Variants in NCOR2 observed in about 807,000 individuals in gnomAD.
The protein encoded by NCOR2 is nuclear receptor corepressor 2.
Under a neutral mutation model 262.9 loss-of-function variants are expected in NCOR2, and 81 were observed. The observed-to-expected ratio is 0.31, with a 90% confidence interval of 0.26 to 0.37. NCOR2 has a LOEUF of 0.37. Ranked by LOEUF, NCOR2 falls within the 10% of genes least tolerant of loss-of-function variation. The pLI is 1.00. For missense variants in NCOR2, 3,385 were observed against 3,621.4 expected (o/e 0.93, Z 1.68); for synonymous variants, 1,659 against 1,559.3 (o/e 1.06, Z -1.51).
chr12:124,531,527 G>A lies in NCOR2; in HGVS notation c.-118+4038C>T, dbSNP rs566703514. Among the ~76,000 whole-genome samples the A allele has an allele frequency of 1.3e-5, 2 of 152,174 alleles. No individual in the cohort carries two copies. The highest frequency in any genetic ancestry group is 4.8e-5 in the African/African-American group (2 of 41,436). On this transcript the variant is annotated intron_variant, in intron 1 of 46. Coordinates refer to the NCOR2 transcript ENST00000404621. This position sits in a 1 kb window ranked among gnomAD's most constrained non-coding sequence, Gnocchi z 4.5. ...GGAGGGGTAGGGAGCAGGAAGGAAG[G>A]GGGAGGGGAGGAAGGGATTGCAGGG... is the stretch of plus-strand genomic sequence containing the variant.
At chr12:124,335,228 C>A (rs770453213) in exon 40 of NCOR2, 1 of 1,609,982 alleles carries the variant, frequency 6.2e-7, no homozygotes, top group Admixed American at 1.7e-5. Flanking sequence ...GGCTCTCAGG[C>A]AGCGGCCGCA....
chr12:124,336,948 T>C, exon 38 of NCOR2: 1 of 1,542,344 alleles, frequency 6.5e-7, no homozygotes, highest in Non-Finnish European at 8.7e-7. Flanking sequence ...TCCGAGCCCT[T>C]GCTGGGGGAG....
intron 19 of NCOR2, among the ~76,000 whole-genome samples, chr12:124,373,365 ATGAGG>A (rs1566412017): frequency 2.7e-4 from 11 of 40,296 alleles, no homozygotes; most frequent in African/African-American, 5.4e-4. Flanking sequence ...GTGGACAATC[ATGAGG>A]CCAGTGCGTG....
intron 1 of NCOR2, among the ~76,000 whole-genome samples, chr12:124,488,642 G>C (rs542905727): frequency 1.3e-5 from 2 of 152,338 alleles, no homozygotes; most frequent in South Asian, 4.1e-4. Flanking sequence ...AGGGAGTGGA[G>C]GAGGCCACTG....
intron 13 of NCOR2, among the ~76,000 whole-genome samples, chr12:124,416,213 A>G (rs1178247120): frequency 6.6e-6 from 1 of 151,112 alleles, no homozygotes; most frequent in Non-Finnish European, 1.5e-5. Context: ...TTGCACTTCT[A>G]TTTTTCACAG....
In NCOR2 at chr12:124,548,958, C is replaced by A. The variant is rs993557946; in HGVS notation, c.-164-13347G>T. On this transcript the variant is annotated intron_variant, in intron 1 of 32. Transcript: ENST00000458234. This position sits in a 1 kb window ranked among gnomAD's most constrained non-coding sequence, Gnocchi z 5.1. ...CAGCCACTCCTCCCTCTCGTTTCCCCGCTTCCCCTTACCCGACGGTTGGGG... is the reference window on the plus strand; with the variant it reads ...CAGCCACTCCTCCCTCTCGTTTCCCAGCTTCCCCTTACCCGACGGTTGGGG... Among the ~76,000 whole-genome samples the A allele has an allele frequency of 1.1e-4, 17 of 152,184 alleles. No individual in the cohort carries two copies. Among genetic ancestry groups the A allele is most frequent in the African/African-American group, 4.1e-4 (17 of 41,428 alleles).
upstream of NCOR2, among the ~76,000 whole-genome samples, chr12:124,498,519 A>G (rs2136927448): frequency 6.6e-6 from 1 of 152,242 alleles, no homozygotes; most frequent in South Asian, 2.1e-4. Context: ...ACTCACCACG[A>G]GCTTAGGAAA....
intron 11 of NCOR2, 114 bp downstream of exon 13, chr12:124,426,508 G>A (rs938144748): frequency 6.5e-5 from 66 of 1,022,440 alleles, no homozygotes; most frequent in Middle Eastern, 3.1e-4. Flanking sequence ...AAATCCCTGC[G>A]GTTTTAAGCA....
upstream of NCOR2, chr12:124,495,389 A>AAAC: frequency 7.0e-7 from 1 of 1,433,766 alleles, no homozygotes; most frequent in South Asian, 1.5e-5. This position sits in a 1 kb window ranked among gnomAD's most constrained non-coding sequence, Gnocchi z 4.4. Context: ...ACAAGAAAAG[A>AAAC]AAAACAAGAT....
chr12:124,544,724 C>A (rs995828814), intron 1 of NCOR2, among the ~76,000 whole-genome samples: 8 of 152,184 alleles, frequency 5.3e-5, no homozygotes, highest in African/African-American at 1.9e-4. Context: ...TCAGCCGGTG[C>A]CCACACACAG....
At chr12:124,491,903 G>T (rs2048101531) in intron 1 of NCOR2, among the ~76,000 whole-genome samples, 1 of 152,200 alleles carries the variant, frequency 6.6e-6, no homozygotes, top group African/African-American at 2.4e-5. Flanking sequence ...AGGCACAGAG[G>T]GATGCGGCAG....
Position 124,337,192 on chromosome 12 carries a change from G to C in NCOR2, c.5688-12C>G. The C allele has an allele frequency of 6.5e-7, 1 of 1,545,808 alleles. No homozygotes were observed. The highest frequency in any genetic ancestry group is 1.2e-5 in the South Asian group (1 of 83,630). On this transcript the variant is annotated splice_polypyrimidine_tract_variant and intron_variant, in intron 37 of 46. Coordinates refer to ENST00000405201, the Ensembl canonical transcript of NCOR2. Reference sequence around the variant, plus strand: ...AGGTGGAGGTGGACCTGGGGGAGGAGAGAAGGCGGTCAGGCAGTCATGGGA... The same window carrying C: ...AGGTGGAGGTGGACCTGGGGGAGGACAGAAGGCGGTCAGGCAGTCATGGGA...
At chr12:124,476,560 A>G (rs916559108) in intron 3 of NCOR2, among the ~76,000 whole-genome samples, 6 of 152,234 alleles carry the variant, frequency 3.9e-5, no homozygotes, top group African/African-American at 1.4e-4. Flanking sequence ...ACATTAACAA[A>G]AAGAAGATTT....
In NCOR2 at chr12:124,558,010, C is replaced by A. The variant is rs114413420; in HGVS notation, c.-165+9298G>T. ...GCCTGGAGCTGCATCCGGCCCCAAC[C>A]CCACCCGGCAGGCTCTCCTCTTTAG... On this transcript the variant is annotated intron_variant, in intron 1 of 32. Coordinates refer to the NCOR2 transcript ENST00000458234. 6.0e-3 allele frequency among the ~76,000 whole-genome samples: 919 copies of A among 152,266 alleles called. 8 individuals carry two copies. Among genetic ancestry groups the A allele is most frequent in the African/African-American group, 0.021 (876 of 41,572 alleles).
Position 124,454,769 on chromosome 12 carries a change from G to A in NCOR2, c.762+2337C>T, listed in dbSNP as rs1038462599. ...GCAGTTCCTCAAGGGGCTAAACAGG[G>A]TTAACAGAGGATCTAGCAATTCCAC... On this transcript the variant is annotated intron_variant, in intron 6 of 46. Transcript: ENST00000405201. This position sits in a 1 kb window ranked among gnomAD's most constrained non-coding sequence, Gnocchi z 5.6. 6.6e-6 allele frequency among the ~76,000 whole-genome samples: 1 copy of A among 152,164 alleles called. No homozygotes were observed. Among genetic ancestry groups the A allele is most frequent in the Non-Finnish European group, 1.5e-5 (1 of 68,036 alleles).
At position 124,531,886 on chromosome 12, in the gene NCOR2, C is replaced by G. The variant is rs1231931733; in HGVS notation, c.-118+3679G>C. ...AGACAATCCCAGACACCCACCTCCC[C>G]ACCCCACTCCCAGCTGAAGAATCCA... On this transcript the variant is annotated intron_variant, in intron 1 of 46. Transcript: ENST00000404621. The surrounding 1 kb of genome is among the most constrained non-coding windows in gnomAD (Gnocchi z 4.5). Among the ~76,000 whole-genome samples the G allele has an allele frequency of 6.6e-6, 1 of 151,984 alleles. No individual in the cohort carries two copies. Among genetic ancestry groups the G allele is most frequent in the African/African-American group, 2.4e-5 (1 of 41,354 alleles).
At chr12:124,502,620 G>T (rs762534665) in intron 1 of NCOR2, among the ~76,000 whole-genome samples, 1 of 152,134 alleles carries the variant, frequency 6.6e-6, no homozygotes, top group African/African-American at 2.4e-5. Context: ...TGGGGAGAGT[G>T]GGGTGAGCGA....
intron 1 of NCOR2, among the ~76,000 whole-genome samples, chr12:124,520,173 C>T (rs1369817413): frequency 2.0e-5 from 3 of 152,164 alleles, no homozygotes; most frequent in East Asian, 1.9e-4. Context: ...GGGGGGTTTC[C>T]GTAGACCTGC....
chr12:124,386,945 G>A (rs934098544), intron 16 of NCOR2, among the ~76,000 whole-genome samples: 5 of 152,254 alleles, frequency 3.3e-5, no homozygotes, highest in African/African-American at 4.8e-5. Context: ...GAGACAGGGA[G>A]TGCTCCTGAC....
Sources: allele counts gnomAD v4.1 joint callset (sites outside exome capture counted in the v4.1 genomes callset), GRCh38; gene constraint gnomAD v4.1.1; non-coding constraint Gnocchi (gnomAD v3.1); transcripts MANE v1.5; gene names NCBI Gene and HGNC (gene_info 2026-07-23, HGNC 2026-07-21).